GALNT7: variants seen among roughly 807,000 people sequenced by gnomAD.
The protein encoded by GALNT7 is N-acetylgalactosaminyltransferase 7.
A neutral mutation model predicts 82.1 loss-of-function variants in GALNT7; 60 were observed. The ratio of observed to expected loss-of-function variants is 0.73; its 90% CI spans 0.59 to 0.91. The LOEUF is 0.91. GALNT7 is among the 40% of genes least tolerant of loss of function. The probability of loss-of-function intolerance (pLI) is 0.00; values close to 1 mark genes in which losing one functional copy is unlikely to be tolerated. For missense variants in GALNT7, 660 were observed against 804.2 expected (o/e 0.82, Z 2.17); for synonymous variants, 243 against 275.1 (o/e 0.88, Z 1.15).
intron 1 of GALNT7, among the ~76,000 whole-genome samples, chr4:173,188,928 T>A (rs1281481312): frequency 6.6e-6 from 1 of 152,196 alleles, no homozygotes; most frequent in Non-Finnish European, 1.5e-5. Flanking sequence ...CTTTATATTA[T>A]TCCCCTGTCC....
chr4:173,214,091 T>C (rs752267216), intron 1 of GALNT7, among the ~76,000 whole-genome samples: 28 of 152,120 alleles, frequency 1.8e-4, no homozygotes, highest in Middle Eastern at 3.2e-3. Flanking sequence ...CAATCTCTGA[T>C]TTGCAAAAAG....
At chr4:173,240,830 G>GA (rs1355095618) in intron 1 of GALNT7, among the ~76,000 whole-genome samples, 2 of 152,094 alleles carry the variant, frequency 1.3e-5, no homozygotes, top group African/African-American at 4.8e-5. Context: ...TAAATTCTTA[G>GA]AATGGTTCAA....
chr4:173,187,512 A>G (rs529318171), intron 1 of GALNT7, among the ~76,000 whole-genome samples: 2 of 152,296 alleles, frequency 1.3e-5, no homozygotes, highest in African/African-American at 2.4e-5. Context: ...AAGATGGTCT[A>G]TTAAGATTGC....
chr4:173,298,238 A>G lies in GALNT7; in HGVS notation c.1089A>G (p.Lys363=), dbSNP rs1736793610. The G allele has an allele frequency of 1.2e-6, 2 of 1,611,982 alleles. No individual in the cohort carries two copies. Among genetic ancestry groups the G allele is most frequent in the Non-Finnish European group, 1.7e-6 (2 of 1,179,210 alleles). The change falls in exon 6 of 12, where the codon AAA becomes AAG. Residue 363 remains lysine (K), a synonymous_variant. Transcript: ENST00000265000. ...CATGGGATTGGAGTATGCTCTGGAA[A>G]CGGGTGCCTCTGACCCCTCAAGAGA... ...RGAWDWSMLW[K]RVPLTPQEKR...
In GALNT7 at chr4:173,249,138, A is replaced by T. The variant is rs567064774; in HGVS notation, c.587+698A>T. Among the ~76,000 whole-genome samples, 4 of 152,316 alleles carry T rather than the reference A, an allele frequency of 2.6e-5. No homozygotes were observed. In the South Asian group the frequency reaches 8.3e-4, roughly 32 times the overall value. On this transcript the variant is annotated intron_variant, in intron 2 of 11. Coordinates refer to ENST00000265000, the MANE Select transcript of GALNT7 (RefSeq NM_017423.3). ...CTTTTCTCTTTCAGTTTATTCAATA[A>T]CTGGTTCTACTACTATAGGATCTAC...
At chr4:173,223,137 A>G (rs986733980) in intron 1 of GALNT7, among the ~76,000 whole-genome samples, 4 of 152,208 alleles carry the variant, frequency 2.6e-5, no homozygotes, top group African/African-American at 9.6e-5. Flanking sequence ...GCCCTTCAAA[A>G]GCTGCCTGAT....
intron 1 of GALNT7, among the ~76,000 whole-genome samples, chr4:173,230,526 A>G (rs1579934375): frequency 6.6e-6 from 1 of 152,228 alleles, no homozygotes; most frequent in Non-Finnish European, 1.5e-5. Flanking sequence ...GTTAACTATC[A>G]TATTTTTAAT....
chr4:173,183,504 G>A (rs1213415520), intron 1 of GALNT7, among the ~76,000 whole-genome samples: 2 of 151,856 alleles, frequency 1.3e-5, no homozygotes, highest in African/African-American at 4.8e-5. Context: ...CAAGGCAGAA[G>A]AATTTTTCTT....
At chr4:173,259,147 T>TAA (rs1735157906) in intron 2 of GALNT7, among the ~76,000 whole-genome samples, 2 of 152,160 alleles carry the variant, frequency 1.3e-5, no homozygotes, top group East Asian at 3.9e-4. Context: ...ATCACTGCTG[T>TAA]AAGGGGTTAA....
chr4:173,185,172 G>A (rs1369143946), intron 1 of GALNT7, among the ~76,000 whole-genome samples: 3 of 152,178 alleles, frequency 2.0e-5, no homozygotes, highest in Non-Finnish European at 2.9e-5. Context: ...GAAGCAAAAT[G>A]CATGAGAAAT....
chr4:173,257,786 G>A (rs1394710439), intron 2 of GALNT7, among the ~76,000 whole-genome samples: 1 of 152,144 alleles, frequency 6.6e-6, no homozygotes, highest in African/African-American at 2.4e-5. Flanking sequence ...CCCAGTGAGC[G>A]AACTAAAACC....
At chr4:173,311,905 C>T (rs545233445) in intron 8 of GALNT7, among the ~76,000 whole-genome samples, 10 of 152,178 alleles carry the variant, frequency 6.6e-5, no homozygotes, top group Admixed American at 6.6e-4. Context: ...TATCTTGTTG[C>T]CTAGAAAACA....
intron 2 of GALNT7, among the ~76,000 whole-genome samples, chr4:173,287,693 C>G (rs555415863): frequency 2.0e-5 from 3 of 152,200 alleles, no homozygotes; most frequent in East Asian, 3.9e-4. Context: ...AGAAGCTAGT[C>G]AGCATAACTA....
At chr4:173,172,470 C>T (rs1281465298) in intron 1 of GALNT7, among the ~76,000 whole-genome samples, 1 of 152,170 alleles carries the variant, frequency 6.6e-6, no homozygotes, top group African/African-American at 2.4e-5. Flanking sequence ...CTGCTGATAA[C>T]CAGCTTTAGG....
chr4:173,237,846 A>G (rs967667660), intron 1 of GALNT7, among the ~76,000 whole-genome samples: 1 of 152,158 alleles, frequency 6.6e-6, no homozygotes, highest in Non-Finnish European at 1.5e-5. Flanking sequence ...AGCATCGAGA[A>G]AAGAGAGAGT....
chr4:173,179,655 CT>C (rs1374015350), intron 1 of GALNT7, among the ~76,000 whole-genome samples: 4 of 152,164 alleles, frequency 2.6e-5, no homozygotes, highest in African/African-American at 9.7e-5. Flanking sequence ...GAAGAGACCC[CT>C]TTGAACCATT....
intron 1 of GALNT7, among the ~76,000 whole-genome samples, chr4:173,239,248 C>T (rs1734336480): frequency 6.6e-6 from 1 of 152,058 alleles, no homozygotes; most frequent in Non-Finnish European, 1.5e-5. Context: ...ATTTGGATTC[C>T]CAAAATGCTA....
intron 1 of GALNT7, among the ~76,000 whole-genome samples, chr4:173,225,009 T>C (rs1005792765): frequency 3.8e-5 from 5 of 131,082 alleles, no homozygotes; most frequent in Admixed American, 1.7e-4. Context: ...AGCGAGACTC[T>C]GTCTCAAAAA....
chr4:173,243,077 G>A (rs1579947857), intron 1 of GALNT7, among the ~76,000 whole-genome samples: 3 of 152,286 alleles, frequency 2.0e-5, no homozygotes, highest in African/African-American at 7.2e-5. Flanking sequence ...TCATGTGACT[G>A]CATAAGCTCA....
Sources: allele counts gnomAD v4.1 joint callset (sites outside exome capture counted in the v4.1 genomes callset), GRCh38; gene constraint gnomAD v4.1.1; transcripts MANE v1.5; gene names NCBI Gene and HGNC (gene_info 2026-07-23, HGNC 2026-07-21).